Variants in SORBS2 observed in about 807,000 individuals in gnomAD.
SORBS2 encodes sorbin and SH3 domain-containing protein 2.
Under a neutral mutation model 97.7 loss-of-function variants are expected in SORBS2, and 46 were observed. The observed-to-expected ratio is 0.47, with a 90% CI of 0.37 to 0.60. SORBS2 has a LOEUF of 0.60. Among genes scored for constraint, SORBS2 ranks in the 20% least tolerant of loss-of-function variants. The probability of loss-of-function intolerance (pLI) is 0.00; values close to 1 mark genes in which losing one functional copy is unlikely to be tolerated. For missense variants in SORBS2, 1,316 were observed against 1,282.3 expected, an observed-to-expected ratio of 1.03 and a Z score of -0.40; for synonymous variants, 476 against 473.4, an observed-to-expected ratio of 1.01 and a Z score of -0.07.
At chr4:185,593,629 A>G (rs999078708) in intron 13 of SORBS2, 3 of 463,068 alleles carry the variant, frequency 6.5e-6, no homozygotes, top group Non-Finnish European at 1.1e-5. Flanking sequence ...TATCCATCTT[A>G]GGAATCACTG....
At chr4:185,742,071 G>A (rs2098730741) in intron 2 of SORBS2, among the ~76,000 whole-genome samples, 1 of 152,164 alleles carries the variant, frequency 6.6e-6, no homozygotes, top group Admixed American at 6.5e-5. Context: ...TTTCTGATTG[G>A]ACTTGTCTCT....
chr4:185,935,593 C>A (rs933220268), intron 1 of SORBS2, among the ~76,000 whole-genome samples: 1 of 152,152 alleles, frequency 6.6e-6, no homozygotes, highest in Non-Finnish European at 1.5e-5. Context: ...TTGTTAGTAC[C>A]CAAGAACTAG....
intron 13 of SORBS2, chr4:185,592,072 G>A (rs1433169504): frequency 1.3e-5 from 2 of 152,240 alleles, no homozygotes; most frequent in African/African-American, 4.8e-5. Context: ...AGATGTGTTG[G>A]TGAGGTGAGT....
chr4:185,690,911 T>C (rs1052844868), intron 2 of SORBS2, among the ~76,000 whole-genome samples: 1 of 152,098 alleles, frequency 6.6e-6, no homozygotes, highest in South Asian at 2.1e-4. Flanking sequence ...TCTTTCTTTT[T>C]TTTTTTGAGA....
chr4:185,777,380 T>C (rs1294362374), intron 1 of SORBS2, among the ~76,000 whole-genome samples: 3 of 152,236 alleles, frequency 2.0e-5, no homozygotes, highest in African/African-American at 7.2e-5. Context: ...CTGGTAATAA[T>C]TGGAAGCCTA....
chr4:185,902,701 A>G lies in SORBS2; in HGVS notation c.-338+53495T>C, dbSNP rs538955534. Among the ~76,000 whole-genome samples, 38 of 152,026 alleles carry G rather than the reference A, an allele frequency of 2.5e-4. No homozygotes were observed. In the East Asian group the frequency reaches 3.9e-3, roughly 15 times the overall value. On this transcript the variant is annotated intron_variant, in intron 1 of 20. Coordinates refer to the SORBS2 transcript ENST00000284776. ...GGTGTTTTTACTTAAAAAAAAAAAA[A>G]AAAGAAAAAGAAAGGAGCAACATGC...
At chr4:185,827,288 CCATCAT>C (rs2099201162) in intron 1 of SORBS2, among the ~76,000 whole-genome samples, 15 of 1,216 alleles carry the variant, frequency 0.012, no homozygotes, top group South Asian at 0.023. Context: ...ATCATCATCA[CCATCAT>C]CATCATCACC....
chr4:185,692,036 G>A (rs1231660127), intron 2 of SORBS2, among the ~76,000 whole-genome samples: 1 of 152,186 alleles, frequency 6.6e-6, no homozygotes, highest in Non-Finnish European at 1.5e-5. Flanking sequence ...ATTGTGTATC[G>A]TTTTATGACA....
chr4:185,951,735 A>T (rs73021896), intron 1 of SORBS2, among the ~76,000 whole-genome samples: 2,086 of 152,328 alleles, frequency 0.014, 55 homozygotes, highest in African/African-American at 0.048. Context: ...TTGTGAAGTC[A>T]AATTGAGACT....
At chr4:185,827,300 T>G (rs1269514063) in intron 1 of SORBS2, among the ~76,000 whole-genome samples, 1 of 81,284 alleles carries the variant, frequency 1.2e-5, no homozygotes. Context: ...ATCATCATCA[T>G]CACCATCATC....
At chr4:185,599,984 G>A (rs538717393) in intron 12 of SORBS2, among the ~76,000 whole-genome samples, 22 of 152,324 alleles carry the variant, frequency 1.4e-4, no homozygotes, top group South Asian at 6.2e-4. Context: ...CAGGTGAGCC[G>A]CAGAATCTCC....
exon 8 of SORBS2, chr4:185,620,137 T>C (rs184117029): frequency 1.2e-6 from 2 of 1,608,296 alleles, no homozygotes; most frequent in East Asian, 2.2e-5. Context: ...GAGTAACTTC[T>C]AGGGGACTCA....
chr4:185,710,723 T>C (rs1168030602), intron 2 of SORBS2, among the ~76,000 whole-genome samples: 1 of 152,204 alleles, frequency 6.6e-6, no homozygotes, highest in South Asian at 2.1e-4. Context: ...ACTTGAGTGA[T>C]GGATTCGTCG....
intron 7 of SORBS2, among the ~76,000 whole-genome samples, chr4:185,621,041 G>T (rs1318878698): frequency 5.9e-5 from 9 of 152,120 alleles, no homozygotes; most frequent in African/African-American, 1.9e-4. Flanking sequence ...TATTCCAGTA[G>T]TCTATGTTAT....
chr4:185,756,537 G>T (rs1470102325), intron 2 of SORBS2, among the ~76,000 whole-genome samples: 1 of 152,056 alleles, frequency 6.6e-6, no homozygotes, highest in Non-Finnish European at 1.5e-5. Flanking sequence ...AATTTTGTCT[G>T]GATCTTTACA....
chr4:185,747,021 A>C (rs2098765718), intron 2 of SORBS2, among the ~76,000 whole-genome samples: 1 of 152,190 alleles, frequency 6.6e-6, no homozygotes, highest in South Asian at 2.1e-4. Context: ...TGCCGGGCGC[A>C]GTGGCTCACG....
exon 15 of SORBS2, chr4:185,586,439 C>T (rs1385165361): frequency 6.6e-6 from 1 of 152,576 alleles, no homozygotes; most frequent in African/African-American, 2.4e-5. Context: ...TCAACATATT[C>T]CTGTCCTCAA....
intron 9 of SORBS2, among the ~76,000 whole-genome samples, chr4:185,615,736 C>T (rs2096617145): frequency 6.6e-6 from 1 of 152,078 alleles, no homozygotes; most frequent in Admixed American, 6.6e-5. Flanking sequence ...CAGAAAAGAT[C>T]TTACACTTTT....
At chr4:185,622,217 T>C (rs537414364) in intron 7 of SORBS2, among the ~76,000 whole-genome samples, 33 of 152,194 alleles carry the variant, frequency 2.2e-4, no homozygotes, top group Admixed American at 3.9e-4. Context: ...GCCTGAATAG[T>C]GTAATTCAAA....
Sources: allele counts gnomAD v4.1 joint callset (sites outside exome capture counted in the v4.1 genomes callset), GRCh38; gene constraint gnomAD v4.1.1; transcripts MANE v1.5; gene names NCBI Gene and HGNC (gene_info 2026-07-23, HGNC 2026-07-21).